Variants in USP28 observed in about 807,000 individuals in gnomAD.
USP28 encodes the protein ubiquitin carboxyl-terminal hydrolase 28.
A neutral mutation model predicts 145.0 loss-of-function variants in USP28; 113 were observed. The ratio of observed to expected loss-of-function variants is 0.78; its 90% CI spans 0.67 to 0.91. USP28 has a LOEUF of 0.91. USP28 is among the 40% of genes least tolerant of loss of function. The pLI, the probability that USP28 is intolerant of heterozygous loss-of-function variation, is 0.00. For synonymous variants in USP28, 447 were observed against 450.9 expected, an observed-to-expected ratio of 0.99 and a Z score of 0.11; for missense variants, 1,201 against 1,289.6, an observed-to-expected ratio of 0.93 and a Z score of 1.05.
chr11:113,821,350 C>A lies in USP28; in HGVS notation c.1283+2255G>T, dbSNP rs141293981. The A allele has an allele frequency of 3.5e-4, 80 of 228,330 alleles. No homozygotes were observed. The East Asian group carries it at 8.2e-3, about 23-fold the overall frequency. 14.1% of individuals were successfully genotyped at this position (228,330 alleles called of 1,614,324 possible). A position where few individuals can be genotyped will look rare whatever the true frequency, so the allele number is the denominator to read the frequency against. ...GTAACATGCCCCTTGGGTCCTGTGT[C>A]CAGCATCTCACAGCCAATTGCCACT... is the stretch of plus-strand genomic sequence containing the variant. On this transcript the variant is annotated intron_variant, in intron 12 of 24. Transcript: ENST00000003302.
At chr11:113,864,120 A>C (rs1003788646) in intron 1 of USP28, among the ~76,000 whole-genome samples, 1 of 152,010 alleles carries the variant, frequency 6.6e-6, no homozygotes, top group African/African-American at 2.4e-5. Context: ...ATGTGCCTGT[A>C]GTCCCAGCTA....
At chr11:113,824,599 G>A (rs1943074615) in intron 11 of USP28, among the ~76,000 whole-genome samples, 1 of 151,402 alleles carries the variant, frequency 6.6e-6, no homozygotes, top group South Asian at 2.1e-4. Context: ...GATTACAGGT[G>A]TGAGCCACCA....
intron 3 of USP28, among the ~76,000 whole-genome samples, chr11:113,842,458 G>A (rs555174628): frequency 9.3e-4 from 141 of 151,976 alleles, no homozygotes; most frequent in East Asian, 6.8e-3. Context: ...GGTGGCGGGC[G>A]CCTGTAGTCC....
In USP28 at chr11:113,862,118, G is replaced by A. The variant is rs545763568; in HGVS notation, c.58-7783C>T. On this transcript the variant is annotated intron_variant, in intron 1 of 24. Transcript: ENST00000003302. ...TCCCAGCACTTTACGGGGCTGAGGC[G>A]GGCGGATCACCTGAGGTCAGGAGTT... Among the ~76,000 whole-genome samples, 404 of 152,210 alleles carry A rather than the reference G, an allele frequency of 2.7e-3. 3 individuals are homozygous for A. Among genetic ancestry groups the A allele is most frequent in the African/African-American group, 7.6e-3 (315 of 41,502 alleles).
chr11:113,834,253 T>C, exon 6 of USP28: 1 of 1,610,674 alleles, frequency 6.2e-7, no homozygotes, highest in Non-Finnish European at 8.5e-7. Context: ...ACTTACTGTA[T>C]GACTTCGACA....
At chr11:113,854,839 A>C (rs1334228342) in intron 1 of USP28, among the ~76,000 whole-genome samples, 1 of 152,262 alleles carries the variant, frequency 6.6e-6, no homozygotes, top group Admixed American at 6.5e-5. Context: ...CGAAAGAAAT[A>C]GATGACAGTA....
At chr11:113,808,113 C>T in intron 18 of USP28, 2 of 1,495,646 alleles carry the variant, frequency 1.3e-6, no homozygotes, top group African/African-American at 1.4e-5. Context: ...GGGGCATGGG[C>T]TTCTTGGGTT....
At chr11:113,809,143 C>G (rs978814646) in exon 17 of USP28, 2 of 1,614,098 alleles carry the variant, frequency 1.2e-6, no homozygotes, top group Non-Finnish European at 1.7e-6. Context: ...CTCTTCTTCC[C>G]ACTCCTCTAC....
chr11:113,838,515 A>T (rs955469727), intron 5 of USP28, among the ~76,000 whole-genome samples: 2 of 152,084 alleles, frequency 1.3e-5, no homozygotes, highest in South Asian at 4.1e-4. Flanking sequence ...GCTATTTGCT[A>T]TTTGTCAGAC....
At chr11:113,839,475 C>T (rs1008139892) in intron 5 of USP28, among the ~76,000 whole-genome samples, 1 of 152,084 alleles carries the variant, frequency 6.6e-6, no homozygotes, top group East Asian at 1.9e-4. Context: ...ATCCCAGCTA[C>T]TTGGGAGGCT....
At chr11:113,799,451 A>G in intron 24 of USP28, 36 bp from the exon 26 acceptor site, 2 of 1,588,700 alleles carry the variant, frequency 1.3e-6, no homozygotes, top group Admixed American at 1.8e-5. Context: ...ATATACAGCT[A>G]AACAGATTTC....
chr11:113,844,948 T>C (rs1945650314), intron 3 of USP28, among the ~76,000 whole-genome samples: 1 of 150,956 alleles, frequency 6.6e-6, no homozygotes, highest in South Asian at 2.1e-4. Context: ...CTAAAAAAAA[T>C]TCAAAAGAAA....
In USP28 at chr11:113,824,721, G is replaced by A. The variant is rs1290129659; in HGVS notation, c.1188-1021C>T. 4.6e-5 allele frequency among the ~76,000 whole-genome samples: 7 copies of A among 151,514 alleles called. No individual in the cohort carries two copies. In the East Asian group the frequency reaches 6.0e-4, roughly 13 times the overall value. ...CGAGGCAGGCGGATTACCTGAGGAC[G>A]GGAGTTCAAGACCAGCCTGACCAAC... is the stretch of plus-strand genomic sequence containing the variant. On this transcript the variant is annotated intron_variant, in intron 11 of 24. Transcript: ENST00000003302.
intron 2 of USP28, among the ~76,000 whole-genome samples, chr11:113,853,878 C>CAAAAA (rs57739058): frequency 8.1e-6 from 1 of 123,232 alleles, no homozygotes; most frequent in Non-Finnish European, 1.7e-5. Flanking sequence ...GACTCCATCT[C>CAAAAA]AAAAAAAAAA....
At chr11:113,834,159 TCA>T in intron 6 of USP28, 88 bp downstream of exon 6, 1 of 898,846 alleles carries the variant, frequency 1.1e-6, no homozygotes, top group Admixed American at 2.4e-5. Flanking sequence ...CCAAAGAGTA[TCA>T]CGGATATCAG....
chr11:113,846,307 CTGTA>C (rs1945840975), intron 3 of USP28, among the ~76,000 whole-genome samples: 1 of 152,128 alleles, frequency 6.6e-6, no homozygotes, highest in South Asian at 2.1e-4. Context: ...AGATGGCAAA[CTGTA>C]TGTTTTACCA....
At chr11:113,830,433 T>C (rs1242045372) in intron 9 of USP28, among the ~76,000 whole-genome samples, 2 of 152,264 alleles carry the variant, frequency 1.3e-5, no homozygotes, top group East Asian at 3.9e-4. Context: ...TCTTCATAAT[T>C]AAAAATAAAT....
At chr11:113,854,590 C>T (rs1188154074) in intron 1 of USP28, among the ~76,000 whole-genome samples, 1 of 152,078 alleles carries the variant, frequency 6.6e-6, no homozygotes, top group African/African-American at 2.4e-5. Flanking sequence ...TTAGTAGTGA[C>T]GGGGTTTCAC....
chr11:113,827,459 G>A (rs964888573), intron 10 of USP28, 99 bp from the exon 11 acceptor site: 34 of 1,305,852 alleles, frequency 2.6e-5, no homozygotes, highest in Admixed American at 6.1e-5. Context: ...TCTTCCTTTG[G>A]TATAGAACTT....
Sources: allele counts gnomAD v4.1 joint callset (sites outside exome capture counted in the v4.1 genomes callset), GRCh38; gene constraint gnomAD v4.1.1; transcripts MANE v1.5; gene names NCBI Gene and HGNC (gene_info 2026-07-23, HGNC 2026-07-21).